Variants in RUNX1 observed in about 807,000 individuals in gnomAD.
The protein encoded by RUNX1 is runt-related transcription factor 1.
A neutral mutation model predicts 42.8 loss-of-function variants in RUNX1; 19 were observed. That is an observed-to-expected ratio of 0.44 (90% CI 0.31 to 0.65). RUNX1 has a LOEUF of 0.65. Ranked by LOEUF, RUNX1 falls within the 30% of genes least tolerant of loss-of-function variation. The pLI, the probability that RUNX1 is intolerant of heterozygous loss-of-function variation, is 0.07. For missense variants in RUNX1, 528 were observed against 672.0 expected, an observed-to-expected ratio of 0.79 and a Z score of 2.37; for synonymous variants, 271 against 289.4, an observed-to-expected ratio of 0.94 and a Z score of 0.64.
chr21:35,041,482 T>C (rs1469373910), intron 2 of RUNX1, among the ~76,000 whole-genome samples: 1 of 152,176 alleles, frequency 6.6e-6, no homozygotes, highest in Non-Finnish European at 1.5e-5. Flanking sequence ...AATGGACACA[T>C]ATGGACCATG....
At chr21:35,006,692 T>C (rs2059087640) in intron 2 of RUNX1, among the ~76,000 whole-genome samples, 1 of 152,180 alleles carries the variant, frequency 6.6e-6, no homozygotes, top group African/African-American at 2.4e-5. Flanking sequence ...GTTATTAATA[T>C]TTCCTTTGTC....
intron 2 of RUNX1, among the ~76,000 whole-genome samples, chr21:34,973,582 T>C (rs1311672573): frequency 6.6e-6 from 1 of 152,250 alleles, no homozygotes; most frequent in African/African-American, 2.4e-5. Flanking sequence ...CCATTCTTCA[T>C]GCATTCATCA....
intron 2 of RUNX1, among the ~76,000 whole-genome samples, chr21:34,986,441 T>G (rs2058888445): frequency 6.6e-6 from 1 of 151,264 alleles, no homozygotes; most frequent in South Asian, 2.1e-4. Flanking sequence ...TATGTGGCAT[T>G]TAGCAAAAAA....
intron 2 of RUNX1, among the ~76,000 whole-genome samples, chr21:34,899,293 T>A (rs1435217913): frequency 2.6e-5 from 4 of 152,228 alleles, no homozygotes; most frequent in Non-Finnish European, 5.9e-5. Context: ...TAATCCTCTA[T>A]GTGCTGCTAT....
intron 2 of RUNX1, among the ~76,000 whole-genome samples, chr21:34,955,643 C>T (rs2058638772): frequency 6.6e-6 from 1 of 152,136 alleles, no homozygotes; most frequent in East Asian, 1.9e-4. Context: ...AGGTTGCTGT[C>T]CTAACAGCAA....
In RUNX1 at chr21:34,792,223, A is replaced by C. The variant is rs751710767; in HGVS notation, c.1355T>G (p.Val452Gly). The C allele has an allele frequency of 1.9e-5, 30 of 1,539,886 alleles. No individual in the cohort carries two copies. In the East Asian group the frequency reaches 7.0e-4, roughly 36 times the overall value. The change falls in exon 9 of 9, where the codon GTG (valine) becomes GGG (glycine). Residue 452 changes from valine to glycine, a missense_variant. Physicochemically the swap from Val to Gly is moderately radical, Grantham distance 109. Around this residue, in one of 3 missense-constraint regions of RUNX1, gnomAD observed 331 missense variants for 382.5 expected, o/e 0.87. Coordinates refer to ENST00000675419, the MANE Select transcript of RUNX1 (RefSeq NM_001754.5). This position sits in a 1 kb window ranked among gnomAD's most constrained non-coding sequence, Gnocchi z 6.9. ...LNPSLPNQSD[V>G]VEAEGSHSNS... ...GCTGTGGCTGCCCTCGGCCTCCACCACGTCGCTCTGGTTCGGGAGGCTGGG... is the reference window on the plus strand; with the variant it reads ...GCTGTGGCTGCCCTCGGCCTCCACCCCGTCGCTCTGGTTCGGGAGGCTGGG...
intron 2 of RUNX1, among the ~76,000 whole-genome samples, chr21:35,047,553 A>T (rs997991928): frequency 0.11 from 9,301 of 81,934 alleles, 502 homozygotes; most frequent in Non-Finnish European, 0.14. Context: ...ACACACACAC[A>T]CACACACACT....
intron 2 of RUNX1, among the ~76,000 whole-genome samples, chr21:35,004,181 T>C: frequency 6.6e-6 from 1 of 152,242 alleles, no homozygotes; most frequent in East Asian, 1.9e-4. Context: ...ATCGTGACTC[T>C]GCCAGCCATT....
chr21:35,042,080 T>A (rs1279682701), intron 2 of RUNX1, among the ~76,000 whole-genome samples: 2 of 152,132 alleles, frequency 1.3e-5, no homozygotes, highest in African/African-American at 4.8e-5. Flanking sequence ...CAAGCAACAT[T>A]CCCATAGATA....
At chr21:34,930,295 T>TATAA (rs1569110420) in intron 2 of RUNX1, among the ~76,000 whole-genome samples, 1 of 140,076 alleles carries the variant, frequency 7.1e-6, no homozygotes, top group East Asian at 2.0e-4. Context: ...TATATATAAA[T>TATAA]AAATAAATAA....
intron 7 of RUNX1, among the ~76,000 whole-genome samples, chr21:34,828,750 G>A (rs1220187018): frequency 6.6e-6 from 1 of 152,016 alleles, no homozygotes; most frequent in African/African-American, 2.4e-5. Flanking sequence ...AGGTGGCTTT[G>A]TCATAAAAGT....
At chr21:34,911,092 G>A (rs2058268471) in intron 2 of RUNX1, among the ~76,000 whole-genome samples, 1 of 152,182 alleles carries the variant, frequency 6.6e-6, no homozygotes, top group African/African-American at 2.4e-5. Flanking sequence ...GGCCTGCAAA[G>A]AGGGCACAGA....
chr21:35,038,572 C>CCTCTCTCTCT (rs59976658), intron 2 of RUNX1: 190 of 336,642 alleles, frequency 5.6e-4, no homozygotes, highest in Middle Eastern at 8.4e-4. Context: ...TGAATGCTGG[C>CCTCTCTCTCT]CTCTCTCTCT....
chr21:34,830,715 T>A (rs1043005142), intron 7 of RUNX1, among the ~76,000 whole-genome samples: 4 of 152,190 alleles, frequency 2.6e-5, no homozygotes, highest in African/African-American at 7.2e-5. Flanking sequence ...TGAATTTCGA[T>A]TTCTCTGTCT....
At position 34,843,917 on chromosome 21, in the gene RUNX1, A is replaced by G. The variant is rs77340933; in HGVS notation, c.614-9316T>C. 0.028 allele frequency among the ~76,000 whole-genome samples: 4,316 copies of G among 152,310 alleles called. 73 individuals carry two copies. Among genetic ancestry groups the G allele is most frequent in the African/African-American group, 0.044 (1,840 of 41,548 alleles). On this transcript the variant is annotated intron_variant, in intron 6 of 8. Coordinates refer to ENST00000675419, the MANE Select transcript of RUNX1 (RefSeq NM_001754.5). This position sits in a 1 kb window ranked among gnomAD's most constrained non-coding sequence, Gnocchi z 4.8. The stretch of plus-strand genomic sequence containing the variant: ...AACTTGAGCTCAGGGCAGAGAAGCC[A>G]CCTGCTGGCTTTTGCTCTTGACCAG...
intron 2 of RUNX1, among the ~76,000 whole-genome samples, chr21:34,986,718 C>T (rs1483104196): frequency 6.6e-6 from 1 of 151,866 alleles, no homozygotes; most frequent in East Asian, 1.9e-4. Flanking sequence ...TGCTGGGAGT[C>T]ACCAGATGCT....
At chr21:35,018,976 G>C (rs775367260) in intron 2 of RUNX1, among the ~76,000 whole-genome samples, 1 of 152,206 alleles carries the variant, frequency 6.6e-6, no homozygotes, top group Non-Finnish European at 1.5e-5. Context: ...TTCGAACAAA[G>C]GCAGCTTGGT....
intron 2 of RUNX1, among the ~76,000 whole-genome samples, chr21:35,021,719 T>C (rs1051462653): frequency 3.9e-5 from 6 of 152,222 alleles, no homozygotes; most frequent in Middle Eastern, 3.2e-3. Flanking sequence ...GGGCCTGCGC[T>C]GACCTCATCT....
At chr21:34,808,884 G>A (rs543105385) in intron 7 of RUNX1, among the ~76,000 whole-genome samples, 17 of 152,276 alleles carry the variant, frequency 1.1e-4, no homozygotes, top group Admixed American at 5.2e-4. Context: ...TTTAGAACAT[G>A]TCTCATTCTC....
Sources: allele counts gnomAD v4.1 joint callset (sites outside exome capture counted in the v4.1 genomes callset), GRCh38; gene constraint gnomAD v4.1.1; regional missense constraint gnomAD v4.1.1; non-coding constraint Gnocchi (gnomAD v3.1); transcripts MANE v1.5; gene names NCBI Gene and HGNC (gene_info 2026-07-23, HGNC 2026-07-21).